The following ELP6 variants were observed in gnomAD, a reference collection of about 807,000 sequenced individuals.
ELP6 encodes the protein elongator complex protein 6.
In ELP6, 23 loss-of-function variants were observed where a neutral mutation model predicts 28.1. That is an observed-to-expected ratio of 0.82 (90% CI 0.59 to 1.16). The LOEUF (loss-of-function observed/expected upper bound fraction) is 1.16. ELP6 is among the 50% of genes most tolerant of loss of function. The pLI, the probability that ELP6 is intolerant of heterozygous loss-of-function variation, is 0.00. For missense variants in ELP6, 313 were observed against 334.6 expected (o/e 0.94, Z 0.50); for synonymous variants, 132 against 135.8 (o/e 0.97, Z 0.19).
chr3:47,511,045 C>T (rs1709001019), intron 2 of ELP6, 103 bp downstream of exon 2: 16 of 980,150 alleles, frequency 1.6e-5, no homozygotes, highest in Non-Finnish European at 2.2e-5. Context: ...AACACCAAGG[C>T]TTGGCTTGTA....
At chr3:47,506,279 T>C (rs1708834859) in intron 3 of ELP6, among the ~76,000 whole-genome samples, 1 of 152,074 alleles carries the variant, frequency 6.6e-6, no homozygotes, top group Admixed American at 6.6e-5. Flanking sequence ...CGGGGCGAAA[T>C]TAAAATTGCT....
chr3:47,508,565 TG>T (rs1302493927), intron 3 of ELP6, among the ~76,000 whole-genome samples: 2 of 152,158 alleles, frequency 1.3e-5, no homozygotes, highest in Admixed American at 6.5e-5. Flanking sequence ...TTAAGTGACA[TG>T]ATCATATGAA....
rs1333240469 is a variant in ELP6, at chr3:47,501,688, T to C, written c.487A>G (p.Ile163Val). The C allele has an allele frequency of 1.9e-6, 3 of 1,613,966 alleles. No individual in the cohort carries two copies. Among genetic ancestry groups the C allele is most frequent in the Non-Finnish European group, 2.5e-6 (3 of 1,179,972 alleles). ...GMGAVAVLDF[I>V]HYCRATVCWE... ...CACACGGTGGCTCTGCAGTAGTGAA[T>C]GAAGTCTAGCACAGCCACCGCCCCC... Residue 163 changes from isoleucine to valine, a missense_variant, in exon 5 of 7, where the codon ATT (isoleucine) becomes GTT (valine). By Grantham distance (29) the Ile-to-Val change is conservative. Transcript: ENST00000296149.
At chr3:47,500,039 A>G in intron 5 of ELP6, 1 of 1,286,834 alleles carries the variant, frequency 7.8e-7, no homozygotes, top group Non-Finnish European at 1.0e-6. Flanking sequence ...TCGCACATCC[A>G]TGCTTTTGAG....
rs1310548148 is a variant in ELP6 at position 47,496,097 on chromosome 3, G to A, written c.773C>T (p.Ala258Val). ...CAGAACAGCAGGAGACATTCCTTTG[G>A]CAAAAAAGGACACGCTTTTGTCCTG... is the stretch of plus-strand genomic sequence containing the variant. Reference protein sequence around the residue: ...KIQDKSVSFFAKGMSPAVL With the variant: ...KIQDKSVSFFVKGMSPAVL The change falls in exon 7 of 7, where the codon GCC becomes GTC. Residue 258 changes from alanine to valine, a missense_variant. Physicochemically the swap from Ala to Val is moderately conservative, Grantham distance 64. Coordinates refer to ENST00000296149, the MANE Select transcript of ELP6 (RefSeq NM_001031703.3). The A allele has an allele frequency of 6.2e-7, 1 of 1,613,980 alleles. No homozygotes were observed. The highest frequency in any genetic ancestry group is 8.5e-7 in the Non-Finnish European group (1 of 1,179,964).
intron 4 of ELP6, chr3:47,503,304 T>C: frequency 7.8e-7 from 1 of 1,288,026 alleles, no homozygotes; most frequent in Non-Finnish European, 1.0e-6. Context: ...GACCACTTTG[T>C]AGTGGACGAA....
chr3:47,504,597 G>A (rs552125666), intron 3 of ELP6, 149 bp from the exon 4 acceptor site: 2 of 1,272,630 alleles, frequency 1.6e-6, no homozygotes, highest in Non-Finnish European at 9.9e-7. Flanking sequence ...CATTCCCCTG[G>A]GTGCTCCCAA....
chr3:47,495,925 C>CA lies in ELP6; in HGVS notation c.*143dup. The CA allele has an allele frequency of 7.1e-7, 1 of 1,415,416 alleles. No homozygotes were observed. The highest frequency in any genetic ancestry group is 1.3e-5 in the South Asian group (1 of 79,236). The allele number at this position is 1,415,416 out of a possible 1,614,324, so 87.7% of individuals were successfully genotyped here. A position where few individuals can be genotyped will look rare whatever the true frequency, so the allele number is the denominator to read the frequency against. Reference sequence around the variant, plus strand: ...GGGCAGCCAAGGCATGCCATCACTGCAGCACTCAACCCTCTGGTCACAGTG... The same window carrying CA: ...GGGCAGCCAAGGCATGCCATCACTGCAAGCACTCAACCCTCTGGTCACAGTG... On this transcript the variant is annotated 3_prime_UTR_variant, in exon 7 of 7. Coordinates refer to ENST00000296149, the MANE Select transcript of ELP6 (RefSeq NM_001031703.3).
chr3:47,511,805 G>T (rs927795947), intron 1 of ELP6: 1 of 988,984 alleles, frequency 1.0e-6, no homozygotes, highest in Non-Finnish European at 1.2e-6. Context: ...TCTCTGCAGA[G>T]CCTGACTGTC....
chr3:47,510,462 G>C (rs756126510), intron 2 of ELP6, among the ~76,000 whole-genome samples: 6 of 152,104 alleles, frequency 3.9e-5, no homozygotes, highest in Non-Finnish European at 7.3e-5. Context: ...ACTTCTGTTA[G>C]ATGTAGTACT....
At chr3:47,505,726 C>T (rs1708814286) in intron 3 of ELP6, among the ~76,000 whole-genome samples, 1 of 152,160 alleles carries the variant, frequency 6.6e-6, no homozygotes, top group Non-Finnish European at 1.5e-5. Context: ...CATGTGCCAC[C>T]ACGCCCAGCT....
At chr3:47,513,422 G>A in intron 1 of ELP6, 115 bp downstream of exon 1, 1 of 1,509,858 alleles carries the variant, frequency 6.6e-7, no homozygotes, top group South Asian at 1.3e-5. Context: ...CAACTCCCAG[G>A]TACCCCGTGC....
chr3:47,513,289 G>T, intron 1 of ELP6: 1 of 1,338,136 alleles, frequency 7.5e-7, no homozygotes, highest in Non-Finnish European at 9.5e-7. Context: ...ACCGCGCCCG[G>T]CCGCTTCCCA....
In ELP6 at chr3:47,502,474, A is replaced by G. The variant is rs916890022; in HGVS notation, c.324-623T>C. 62 of 984,512 alleles carry G rather than the reference A, an allele frequency of 6.3e-5. No homozygotes were observed. In the African/African-American group the frequency reaches 9.8e-4, roughly 16 times the overall value. The allele number at this position is 984,512 out of a possible 1,614,324, so 61.0% of individuals were successfully genotyped here. A position where few individuals can be genotyped will look rare whatever the true frequency, so the allele number is the denominator to read the frequency against. On this transcript the variant is annotated intron_variant, in intron 4 of 6. Transcript: ENST00000296149. ...TACAGCCTCTCAACCCAAGAGCTTA[A>G]GGAATCTGGAAGATCAGCTTGGATT...
In ELP6 at chr3:47,513,690, A is replaced by G. The variant is rs2030017172; in HGVS notation, c.-100T>C. The G allele has an allele frequency of 8.7e-6, 13 of 1,498,000 alleles. No individual in the cohort carries two copies. Among genetic ancestry groups the G allele is most frequent in the Middle Eastern group, 1.7e-4 (1 of 5,872 alleles). The allele number at this position is 1,498,000 out of a possible 1,614,324, so 92.8% of individuals were successfully genotyped here. On this transcript the variant is annotated 5_prime_UTR_variant, in exon 1 of 7. Transcript: ENST00000296149. ...CACACCCGACAGCCCGGCTCGCGCA[A>G]GGAAGCGCGCATGCGCAATGCCACT...
At chr3:47,501,108 A>G (rs1338018749) in intron 5 of ELP6, among the ~76,000 whole-genome samples, 2 of 152,202 alleles carry the variant, frequency 1.3e-5, no homozygotes, top group Non-Finnish European at 2.9e-5. Flanking sequence ...TAGTATTTAC[A>G]TCTAAATGAT....
In ELP6 at chr3:47,513,605, A is replaced by T. The variant is rs139471857; in HGVS notation, c.-15T>A. The T allele has an allele frequency of 3.0e-5, 49 of 1,613,158 alleles. No individual in the cohort carries two copies. The Middle Eastern group carries it at 8.3e-4, about 27-fold the overall frequency. Reference sequence around the variant, plus strand: ...TCCACGAACATTCCGAGCTCCTGGGACTAGCGCTCTGGAGGAGAACCCGGA... The same window carrying T: ...TCCACGAACATTCCGAGCTCCTGGGTCTAGCGCTCTGGAGGAGAACCCGGA... On this transcript the variant is annotated 5_prime_UTR_variant, in exon 1 of 7. Transcript: ENST00000296149.
At chr3:47,502,608 G>T (rs536715298) in intron 4 of ELP6, 1 of 953,556 alleles carries the variant, frequency 1.0e-6, no homozygotes, top group Non-Finnish European at 1.2e-6. Context: ...GCCAGCGGGG[G>T]AGGATCATTT....
chr3:47,510,941 C>T (rs991326662), intron 2 of ELP6, among the ~76,000 whole-genome samples: 4 of 152,288 alleles, frequency 2.6e-5, no homozygotes, highest in African/African-American at 9.6e-5. Context: ...GACACAGAAA[C>T]AGTGAGCACA....
Sources: gnomAD v4.1 joint callset for allele counts (sites outside exome capture counted in the v4.1 genomes callset) on GRCh38, gnomAD v4.1.1 for gene constraint, MANE v1.5 for transcripts, NCBI Gene and HGNC (gene_info 2026-07-23, HGNC 2026-07-21) for gene names.